Variants in VOPP1 observed in about 807,000 individuals in gnomAD.
VOPP1 encodes the protein WW domain binding protein VOPP1.
VOPP1 carries 8 observed loss-of-function variants against 23.5 expected under a neutral mutation model. That is an observed-to-expected ratio of 0.34 (90% CI 0.20 to 0.61). The LOEUF is 0.61. VOPP1 is among the 20% of genes least tolerant of loss of function. The pLI, the probability that VOPP1 is intolerant of heterozygous loss-of-function variation, is 0.78. For missense variants in VOPP1, 174 were observed against 238.1 expected, an observed-to-expected ratio of 0.73 and a Z score of 1.77; for synonymous variants, 83 against 97.3, an observed-to-expected ratio of 0.85 and a Z score of 0.86.
At chr7:55,540,746 G>A (rs776240686) in intron 1 of VOPP1, among the ~76,000 whole-genome samples, 2 of 152,134 alleles carry the variant, frequency 1.3e-5, no homozygotes, top group African/African-American at 2.4e-5. Flanking sequence ...CCTCCGCTGC[G>A]GCCTCAACGC....
chr7:55,484,667 AAGAG>A (rs1357225844), intron 4 of VOPP1, among the ~76,000 whole-genome samples: 1 of 152,348 alleles, frequency 6.6e-6, no homozygotes, highest in South Asian at 2.1e-4. Flanking sequence ...ATTAACAAAA[AAGAG>A]AGAGAAAAGG....
rs1797707928 is a variant in VOPP1 at position 55,553,763 on chromosome 7, ACACACACACACAC to A, written c.54+18495_54+18507del. On this transcript the variant is annotated intron_variant, in intron 1 of 4. Transcript: ENST00000285279. ...CTCCCTTCCCCTGCACTCTACACAC[ACACACACACACAC>A]ACACACACACACACACACACACACA... The A allele has an allele frequency of 1.1e-3, 8 of 7,400 alleles. No homozygotes were observed. In the Non-Finnish European group the frequency reaches 0.014, roughly 13 times the overall value. 0.5% of individuals were successfully genotyped at this position (7,400 alleles called of 1,614,324 possible).
chr7:55,498,822 G>T (rs1794164402), intron 2 of VOPP1, among the ~76,000 whole-genome samples: 1 of 152,160 alleles, frequency 6.6e-6, no homozygotes, highest in African/African-American at 2.4e-5. Context: ...TGAGATAACA[G>T]CGGCCTGGAA....
At chr7:55,437,617 C>G (rs1790863942) in intron 4 of VOPP1, among the ~76,000 whole-genome samples, 1 of 152,174 alleles carries the variant, frequency 6.6e-6, no homozygotes, top group South Asian at 2.1e-4. Context: ...AAATTCATGT[C>G]TTTCAATTCT....
At chr7:55,443,644 C>CTTT (rs550168169) in intron 4 of VOPP1, among the ~76,000 whole-genome samples, 6 of 133,774 alleles carry the variant, frequency 4.5e-5, no homozygotes, top group Admixed American at 7.4e-5. Context: ...ATTATTGTCC[C>CTTT]TTTTTTTTTT....
chr7:55,485,433 CAGAT>C (rs1215208444), intron 4 of VOPP1, among the ~76,000 whole-genome samples: 1 of 152,216 alleles, frequency 6.6e-6, no homozygotes, highest in African/African-American at 2.4e-5. Flanking sequence ...AGGTAAAAGG[CAGAT>C]AGAATGGAAA....
intron 1 of VOPP1, among the ~76,000 whole-genome samples, chr7:55,529,421 G>A (rs865981838): frequency 2.3e-4 from 35 of 149,142 alleles, no homozygotes; most frequent in African/African-American, 7.4e-4. Context: ...GACTGGATTC[G>A]CTGCAAGACC....
intron 1 of VOPP1, among the ~76,000 whole-genome samples, chr7:55,570,595 TGGCACAAACTA>T (rs1798314280): frequency 6.6e-6 from 1 of 152,154 alleles, no homozygotes; most frequent in East Asian, 1.9e-4. Flanking sequence ...GAGACATGGG[TGGCACAAACTA>T]GAATGAAAGA....
intron 1 of VOPP1, among the ~76,000 whole-genome samples, chr7:55,536,925 C>A (rs1007080144): frequency 1.3e-5 from 2 of 152,130 alleles, no homozygotes; most frequent in African/African-American, 4.8e-5. Flanking sequence ...GCAGCCAGAC[C>A]GCATGAAACG....
At chr7:55,571,440 G>A (rs945177600) in intron 1 of VOPP1, among the ~76,000 whole-genome samples, 1 of 152,178 alleles carries the variant, frequency 6.6e-6, no homozygotes, top group Admixed American at 6.5e-5. Flanking sequence ...ATTTCCTTCA[G>A]AATAATGAAA....
At chr7:55,447,603 CA>C (rs1162850951) in intron 4 of VOPP1, among the ~76,000 whole-genome samples, 1 of 152,112 alleles carries the variant, frequency 6.6e-6, no homozygotes, top group Non-Finnish European at 1.5e-5. Context: ...TTTCTCCATT[CA>C]ATATATGTTT....
chr7:55,467,346 G>A (rs1206292518), downstream of VOPP1, among the ~76,000 whole-genome samples: 5 of 152,186 alleles, frequency 3.3e-5, no homozygotes, highest in Non-Finnish European at 5.9e-5. Context: ...GGAGACCTCT[G>A]GTCCCTGGCA....
downstream of VOPP1, among the ~76,000 whole-genome samples, chr7:55,435,832 C>G (rs562260597): frequency 6.6e-6 from 1 of 152,334 alleles, no homozygotes; most frequent in Non-Finnish European, 1.5e-5. Context: ...GGAGCATCCA[C>G]ACTGTGCCAG....
chr7:55,556,488 C>T (rs950545741), intron 1 of VOPP1, among the ~76,000 whole-genome samples: 13 of 151,704 alleles, frequency 8.6e-5, no homozygotes, highest in Non-Finnish European at 4.4e-5. Context: ...AAATGCATAA[C>T]GTGAACCAGC....
intron 1 of VOPP1, chr7:55,521,449 G>A (rs770758298): frequency 8.9e-6 from 7 of 787,052 alleles, no homozygotes; most frequent in Non-Finnish European, 1.1e-5. Context: ...GATTACAAAA[G>A]AATGCTAGAA....
At chr7:55,534,568 C>T (rs1796674276) in intron 1 of VOPP1, among the ~76,000 whole-genome samples, 1 of 152,228 alleles carries the variant, frequency 6.6e-6, no homozygotes, top group African/African-American at 2.4e-5. Flanking sequence ...CCAATTCTGA[C>T]TCAATTCTCT....
At chr7:55,456,509 T>G (rs1431362863) in intron 4 of VOPP1, among the ~76,000 whole-genome samples, 1 of 152,236 alleles carries the variant, frequency 6.6e-6, no homozygotes, top group East Asian at 1.9e-4. Context: ...CTATGTTTAT[T>G]GCAGCACTGT....
intron 4 of VOPP1, among the ~76,000 whole-genome samples, chr7:55,454,435 C>T (rs1291537641): frequency 6.6e-6 from 1 of 152,166 alleles, no homozygotes; most frequent in African/African-American, 2.4e-5. Flanking sequence ...GGGAATCCTC[C>T]CTAACTCATT....
intron 2 of VOPP1, 63 bp downstream of exon 2, chr7:55,521,009 A>G: frequency 6.6e-7 from 1 of 1,522,364 alleles, no homozygotes; most frequent in Non-Finnish European, 8.9e-7. Flanking sequence ...GAACTTTAGC[A>G]AGACAATTCC....
Sources: allele counts gnomAD v4.1 joint callset (sites outside exome capture counted in the v4.1 genomes callset), GRCh38; gene constraint gnomAD v4.1.1; transcripts MANE v1.5; gene names NCBI Gene and HGNC (gene_info 2026-07-23, HGNC 2026-07-21).